The following CWC27 variants were observed in gnomAD, a reference collection of about 807,000 sequenced individuals.
The protein encoded by CWC27 is CWC27 spliceosome associated cyclophilin, also known as spliceosome-associated protein CWC27 homolog.
Under a neutral mutation model 63.6 loss-of-function variants are expected in CWC27, and 47 were observed. The ratio of observed to expected loss-of-function variants is 0.74; its 90% confidence interval spans 0.58 to 0.94. The LOEUF (loss-of-function observed/expected upper bound fraction) is 0.94, where lower values mean the gene tolerates loss of function less well. Ranked by LOEUF, CWC27 falls within the 40% of genes least tolerant of loss-of-function variation. CWC27 has a pLI of 0.00. For synonymous variants in CWC27, 175 were observed against 179.8 expected, an observed-to-expected ratio of 0.97 and a Z score of 0.22; for missense variants, 495 against 554.3, an observed-to-expected ratio of 0.89 and a Z score of 1.07.
In CWC27 at chr5:65,018,588, A is replaced by C. The variant is rs1750092358; in HGVS notation, c.*267A>C. 1 of 253,542 alleles carries C rather than the reference A, an allele frequency of 3.9e-6. No individual in the cohort carries two copies. The highest frequency in any genetic ancestry group is 2.2e-5 in the African/African-American group (1 of 44,482). The allele number at this position is 253,542 out of a possible 1,614,324, so 15.7% of individuals were successfully genotyped here. ...TAACTTTCCTTCCACATTACATGTT[A>C]ACCATTGCAGACTGCAAGCCTGTTT... On this transcript the variant is annotated 3_prime_UTR_variant, in exon 14 of 14. Coordinates refer to ENST00000381070, the MANE Select transcript of CWC27 (RefSeq NM_005869.4).
rs115346499 is a variant in CWC27 at position 64,870,010 on chromosome 5, G to T, written c.939-15433G>T. ...AAAACTAAAAAATGAGAGTGAAAAG[G>T]TATTAATTCCCCAAAAACACCCTTG... On this transcript the variant is annotated intron_variant, in intron 10 of 13. Transcript: ENST00000381070. Among the ~76,000 whole-genome samples, 182 of 152,142 alleles carry T rather than the reference G, an allele frequency of 1.2e-3. 3 individuals are homozygous for T. Among genetic ancestry groups the T allele is most frequent in the African/African-American group, 4.3e-3 (177 of 41,530 alleles).
chr5:64,840,388 AAAAAAAATATATAT>A (rs60888840), intron 10 of CWC27, among the ~76,000 whole-genome samples: 6 of 45,356 alleles, frequency 1.3e-4, no homozygotes, highest in African/African-American at 5.9e-4. Flanking sequence ...AAAAAAAAAA[AAAAAAAATATATAT>A]ATATATATAT....
chr5:64,777,062 T>A (rs1480539149), intron 2 of CWC27, among the ~76,000 whole-genome samples: 1 of 152,148 alleles, frequency 6.6e-6, no homozygotes, highest in Non-Finnish European at 1.5e-5. Context: ...TTAGCTTTGA[T>A]AATTTCATTA....
chr5:64,997,135 C>G (rs1192198582), intron 13 of CWC27, among the ~76,000 whole-genome samples: 2 of 152,016 alleles, frequency 1.3e-5, no homozygotes, highest in Non-Finnish European at 2.9e-5. Flanking sequence ...TTAACTTGAA[C>G]AAGAAGTTCC....
intron 10 of CWC27, among the ~76,000 whole-genome samples, chr5:64,863,303 C>T (rs1054177005): frequency 6.6e-6 from 1 of 152,088 alleles, no homozygotes; most frequent in Non-Finnish European, 1.5e-5. Context: ...GGCGACACTG[C>T]TTACAGTGTT....
chr5:64,854,390 G>A (rs761863653), intron 10 of CWC27, among the ~76,000 whole-genome samples: 6 of 152,138 alleles, frequency 3.9e-5, no homozygotes, highest in South Asian at 2.1e-4. Flanking sequence ...CAACTGCATC[G>A]TTTTGCATTC....
intron 13 of CWC27, among the ~76,000 whole-genome samples, chr5:65,008,980 G>A (rs1227722411): frequency 6.7e-6 from 1 of 149,952 alleles, no homozygotes; most frequent in Non-Finnish European, 1.5e-5. Flanking sequence ...ATAAAGGAAT[G>A]CCTGATGCTG....
chr5:64,952,287 G>A (rs1224905380), intron 11 of CWC27, among the ~76,000 whole-genome samples: 3 of 151,916 alleles, frequency 2.0e-5, no homozygotes. Flanking sequence ...TCTACAGTTG[G>A]TTGAATCTAT....
At chr5:65,011,325 G>GAT (rs1429241311) in intron 13 of CWC27, among the ~76,000 whole-genome samples, 1 of 152,198 alleles carries the variant, frequency 6.6e-6, no homozygotes, top group Non-Finnish European at 1.5e-5. Context: ...AAACCAGAGA[G>GAT]ATATTCAAGA....
At chr5:64,976,253 C>T (rs1026475190) in intron 12 of CWC27, among the ~76,000 whole-genome samples, 1 of 151,978 alleles carries the variant, frequency 6.6e-6, no homozygotes, top group African/African-American at 2.4e-5. Context: ...ATTTTTCTAT[C>T]GTCCCAGGAT....
At chr5:64,840,386 AAAAAAAAAATATATATATATATAT>A (rs1408621925) in intron 10 of CWC27, among the ~76,000 whole-genome samples, 3 of 56,858 alleles carry the variant, frequency 5.3e-5, no homozygotes, top group East Asian at 4.3e-4. Flanking sequence ...AAAAAAAAAA[AAAAAAAAAATATATATATATATAT>A]ATATATATAT....
intron 10 of CWC27, among the ~76,000 whole-genome samples, chr5:64,813,681 T>G (rs1210390078): frequency 2.0e-4 from 30 of 152,174 alleles, no homozygotes. Context: ...TTTAAGTTAT[T>G]CAGCATTGGT....
intron 10 of CWC27, among the ~76,000 whole-genome samples, chr5:64,868,021 T>G (rs1746572726): frequency 6.6e-6 from 1 of 152,014 alleles, no homozygotes; most frequent in South Asian, 2.1e-4. Flanking sequence ...TATTTCCTTT[T>G]GAACTACAAT....
At chr5:64,772,624 CAAAAAAAAAAAA>C (rs58675990) in intron 1 of CWC27, among the ~76,000 whole-genome samples, 1,205 of 52,178 alleles carry the variant, frequency 0.023, 24 homozygotes, top group Non-Finnish European at 0.034. Context: ...GACTCTGTCT[CAAAAAAAAAAAA>C]AAAAAAAAAA....
intron 10 of CWC27, among the ~76,000 whole-genome samples, chr5:64,832,789 G>A (rs2112266487): frequency 6.6e-6 from 1 of 151,770 alleles, no homozygotes; most frequent in Non-Finnish European, 1.5e-5. Context: ...TGTACCCTCA[G>A]TACAAATGTC....
chr5:64,940,842 CTTTTTT>C (rs70983655), intron 11 of CWC27, among the ~76,000 whole-genome samples: 1,769 of 65,110 alleles, frequency 0.027, 40 homozygotes, highest in African/African-American at 0.092. Context: ...TTCTTTCTTT[CTTTTTT>C]TTTTTTTTTT....
chr5:64,801,003 A>C (rs1744467781), intron 8 of CWC27, among the ~76,000 whole-genome samples: 1 of 152,172 alleles, frequency 6.6e-6, no homozygotes, highest in South Asian at 2.1e-4. Flanking sequence ...AGCCAATAAA[A>C]GAAATTGTTT....
At chr5:64,974,350 T>G (rs1749184943) in intron 12 of CWC27, among the ~76,000 whole-genome samples, 2 of 152,176 alleles carry the variant, frequency 1.3e-5, no homozygotes, top group Non-Finnish European at 2.9e-5. Flanking sequence ...TTAATTTGAC[T>G]TATAGTTCCA....
chr5:64,836,347 A>G (rs1362025995), intron 10 of CWC27, among the ~76,000 whole-genome samples: 1 of 151,916 alleles, frequency 6.6e-6, no homozygotes, highest in Non-Finnish European at 1.5e-5. Flanking sequence ...CACAAATAGC[A>G]CTGATTGCCT....
Sources: gnomAD v4.1 joint callset for allele counts (sites outside exome capture counted in the v4.1 genomes callset) on GRCh38, gnomAD v4.1.1 for gene constraint, MANE v1.5 for transcripts, NCBI Gene and HGNC (gene_info 2026-07-23, HGNC 2026-07-21) for gene names.